SYT13: variants seen among roughly 807,000 people sequenced by gnomAD.
The protein encoded by SYT13 is synaptotagmin-13.
Under a neutral mutation model 38.6 loss-of-function variants are expected in SYT13, and 21 were observed. That is an observed-to-expected ratio of 0.54 (90% CI 0.39 to 0.78). The LOEUF is 0.78. Ranked by LOEUF, SYT13 falls within the 30% of genes least tolerant of loss-of-function variation. The probability of loss-of-function intolerance (pLI) is 0.00; values close to 1 mark genes in which losing one functional copy is unlikely to be tolerated. For missense variants in SYT13, 495 were observed against 548.7 expected (o/e 0.90, Z 0.98); for synonymous variants, 241 against 237.6 (o/e 1.01, Z -0.13).
At chr11:45,276,421 G>A (rs1371665710) in intron 1 of SYT13, among the ~76,000 whole-genome samples, 4 of 152,204 alleles carry the variant, frequency 2.6e-5, no homozygotes, top group Admixed American at 6.5e-5. Flanking sequence ...ATTACACACC[G>A]GGACCTGTCA....
intron 1 of SYT13, among the ~76,000 whole-genome samples, chr11:45,275,924 C>T (rs775151726): frequency 2.8e-4 from 43 of 152,170 alleles, no homozygotes; most frequent in Non-Finnish European, 2.2e-4. Flanking sequence ...GCTGGAAGAA[C>T]AGGGCAGCCA....
intron 1 of SYT13, among the ~76,000 whole-genome samples, chr11:45,276,484 T>C (rs1168415770): frequency 1.3e-5 from 2 of 152,130 alleles, no homozygotes; most frequent in Non-Finnish European, 2.9e-5. Context: ...CCAAGGTAGA[T>C]GACAGGTTGA....
chr11:45,266,885 C>A (rs941338764), intron 1 of SYT13, among the ~76,000 whole-genome samples: 35 of 152,296 alleles, frequency 2.3e-4, no homozygotes, highest in Non-Finnish European at 1.8e-4. Flanking sequence ...CACTTATTAA[C>A]AGACTTGTAT....
In SYT13 at chr11:45,252,425, G is replaced by A. The variant is rs368796267; in HGVS notation, c.842C>T (p.Ala281Val). 1.7e-4 allele frequency: 267 copies of A among 1,579,046 alleles called. No homozygotes were observed. The highest frequency in any genetic ancestry group is 2.2e-4 in the Non-Finnish European group (255 of 1,159,746). ...CTAACCCAGGGGTTACCCTACCTTC[G>A]CTGAAGTCTTCAGCTCGCCCCACTG... The part of the protein sequence containing the change: ...AAQWGELKTS[A>V]KEPSAGAGEV... The change falls in exon 4 of 6, where the codon GCG becomes GTG. Residue 281 changes from alanine (A) to valine (V), a missense_variant. By Grantham distance (64) the Ala-to-Val change is moderately conservative (BLOSUM62 0). Coordinates refer to ENST00000020926, the MANE Select transcript of SYT13 (RefSeq NM_020826.3). The surrounding 1 kb of genome is among the most constrained non-coding windows in gnomAD (Gnocchi z 4.3).
intron 1 of SYT13, among the ~76,000 whole-genome samples, chr11:45,281,545 T>TA (rs1046850502): frequency 2.0e-5 from 3 of 152,088 alleles, no homozygotes; most frequent in Admixed American, 1.3e-4. Context: ...TGCACACCTA[T>TA]AATCTCAGCT....
rs1590518623 is a variant in SYT13 at position 45,261,226 on chromosome 11, G to C, written c.184-5335C>G. 2.0e-5 allele frequency among the ~76,000 whole-genome samples: 3 copies of C among 152,284 alleles called. No individual in the cohort carries two copies. In the South Asian group the frequency reaches 6.2e-4, roughly 32 times the overall value. ...ACAAAACAGAAAATAACAAACATTG[G>C]TGAGGATGTGAAGAAATCGGAATTC... On this transcript the variant is annotated intron_variant, in intron 1 of 5. Coordinates refer to ENST00000020926, the MANE Select transcript of SYT13 (RefSeq NM_020826.3).
chr11:45,271,818 G>A (rs1456492307), intron 1 of SYT13, among the ~76,000 whole-genome samples: 8 of 152,154 alleles, frequency 5.3e-5, no homozygotes. Flanking sequence ...GAATCCAAGA[G>A]TGAGAGCTGC....
chr11:45,278,427 C>A (rs1855034840), intron 1 of SYT13, among the ~76,000 whole-genome samples: 1 of 152,034 alleles, frequency 6.6e-6, no homozygotes, highest in South Asian at 2.1e-4. Context: ...TCCTCTTTGT[C>A]TTCTGGGTCT....
At chr11:45,273,839 G>T (rs1197935843) in intron 1 of SYT13, among the ~76,000 whole-genome samples, 1 of 152,230 alleles carries the variant, frequency 6.6e-6, no homozygotes, top group Admixed American at 6.5e-5. Flanking sequence ...TTTCTTTCCC[G>T]CATGGTGAAT....
chr11:45,268,434 T>A, intron 1 of SYT13, among the ~76,000 whole-genome samples: 1 of 151,830 alleles, frequency 6.6e-6, no homozygotes, highest in East Asian at 1.9e-4. Flanking sequence ...TACTAAGAAT[T>A]TGAGGGTCAG....
intron 4 of SYT13, among the ~76,000 whole-genome samples, chr11:45,251,385 C>CCAAA (rs1854672238): frequency 7.5e-5 from 1 of 13,268 alleles, no homozygotes; most frequent in African/African-American, 2.7e-4. Flanking sequence ...GAGACTCTGT[C>CCAAA]TAAAAAAAAA....
chr11:45,270,354 A>G (rs1249102679), intron 1 of SYT13, among the ~76,000 whole-genome samples: 2 of 152,142 alleles, frequency 1.3e-5, no homozygotes, highest in African/African-American at 4.8e-5. Context: ...TTTTCCCAAG[A>G]CAGTCACTTT....
intron 1 of SYT13, chr11:45,269,569 TA>T: frequency 1.2e-6 from 1 of 863,560 alleles, no homozygotes; most frequent in South Asian, 1.5e-5. Flanking sequence ...GATAAGTGCC[TA>T]ATATTTTCTC....
At chr11:45,254,505 C>G (rs1430135644) in intron 2 of SYT13, 101 bp from the exon 3 acceptor site, 1 of 1,493,478 alleles carries the variant, frequency 6.7e-7, no homozygotes, top group Non-Finnish European at 8.9e-7. Flanking sequence ...AACCCAAACC[C>G]AAGTCTTCCC....
In SYT13 at chr11:45,286,199, C is replaced by G. The variant is rs937946165; in HGVS notation, c.9G>C (p.Leu3=). Reference sequence around the variant, plus strand: ...CGCCCAGCGCGATCACAGGCACCGACAGCACCATGGTGCCCGCTCCCGGCG... The same window carrying G: ...CGCCCAGCGCGATCACAGGCACCGAGAGCACCATGGTGCCCGCTCCCGGCG... MV[L]SVPVIALGAT... is the part of the protein sequence containing the mutation. The change falls in exon 1 of 6, where the codon CTG becomes CTC. Residue 3 remains leucine, a synonymous_variant. Transcript: ENST00000020926. 1.3e-6 allele frequency: 2 copies of G among 1,563,978 alleles called. No individual in the cohort carries two copies. The highest frequency in any genetic ancestry group is 8.6e-7 in the Non-Finnish European group (1 of 1,158,960).
chr11:45,282,107 G>A (rs1256737826), intron 1 of SYT13, among the ~76,000 whole-genome samples: 2 of 152,200 alleles, frequency 1.3e-5, no homozygotes, highest in African/African-American at 4.8e-5. Context: ...AGATTCAGAA[G>A]TAATGGTGAA....
At chr11:45,253,680 G>A (rs1854705817) in intron 3 of SYT13, among the ~76,000 whole-genome samples, 1 of 152,160 alleles carries the variant, frequency 6.6e-6, no homozygotes, top group Non-Finnish European at 1.5e-5. Flanking sequence ...TTAGATTGTA[G>A]AAACTTTTCT....
At chr11:45,251,093 A>G (rs1436587316) in intron 4 of SYT13, among the ~76,000 whole-genome samples, 1 of 152,022 alleles carries the variant, frequency 6.6e-6, no homozygotes, top group Admixed American at 6.6e-5. Context: ...GTGAGCATTA[A>G]AAAATAGTAC....
At chr11:45,256,272 C>T (rs1253322582) in intron 1 of SYT13, among the ~76,000 whole-genome samples, 1 of 152,148 alleles carries the variant, frequency 6.6e-6, no homozygotes, top group African/African-American at 2.4e-5. Context: ...CTCAGAAATG[C>T]CAGTGGCTCC....
Sources: allele counts gnomAD v4.1 joint callset (sites outside exome capture counted in the v4.1 genomes callset), GRCh38; gene constraint gnomAD v4.1.1; non-coding constraint Gnocchi (gnomAD v3.1); transcripts MANE v1.5; gene names NCBI Gene and HGNC (gene_info 2026-07-23, HGNC 2026-07-21).